COL25A1: variants seen among roughly 807,000 people sequenced by gnomAD.
COL25A1 encodes collagen type XXV alpha 1 chain.
COL25A1 carries 103 observed loss-of-function variants against 128.4 expected under a neutral mutation model. The ratio of observed to expected loss-of-function variants is 0.80; its 90% CI spans 0.68 to 0.94. The LOEUF is 0.94. Ranked by LOEUF, COL25A1 falls within the 40% of genes least tolerant of loss-of-function variation. COL25A1 has a pLI of 0.00. For synonymous variants in COL25A1, 279 were observed against 277.2 expected, an observed-to-expected ratio of 1.01 and a Z score of -0.06; for missense variants, 745 against 840.0, an observed-to-expected ratio of 0.89 and a Z score of 1.40.
chr4:109,233,756 C>T (rs1200526622), intron 3 of COL25A1, among the ~76,000 whole-genome samples: 2 of 152,080 alleles, frequency 1.3e-5, no homozygotes, highest in East Asian at 1.9e-4. Context: ...AGCCCCATTA[C>T]TCATGCTGCA....
chr4:109,176,895 G>C (rs939438192), intron 3 of COL25A1, among the ~76,000 whole-genome samples: 1 of 152,142 alleles, frequency 6.6e-6, no homozygotes, highest in African/African-American at 2.4e-5. Context: ...GAAAACCCAA[G>C]GCCAGATCTC....
At chr4:108,865,752 C>T (rs1339688161) in intron 20 of COL25A1, among the ~76,000 whole-genome samples, 4 of 152,154 alleles carry the variant, frequency 2.6e-5, no homozygotes, top group Non-Finnish European at 5.9e-5. Context: ...TACATCTTTA[C>T]TTTTTAACAT....
At chr4:108,915,518 G>A (rs1158619136) in intron 13 of COL25A1, among the ~76,000 whole-genome samples, 1 of 152,068 alleles carries the variant, frequency 6.6e-6, no homozygotes, top group Non-Finnish European at 1.5e-5. Context: ...TCTTAAAATA[G>A]TATACTTTTC....
intron 3 of COL25A1, among the ~76,000 whole-genome samples, chr4:109,180,949 T>A (rs1019827630): frequency 6.6e-6 from 1 of 152,162 alleles, no homozygotes; most frequent in Non-Finnish European, 1.5e-5. Context: ...AGAGGTAGAA[T>A]CAAATATATA....
At chr4:108,814,980 A>G (rs879703120) in intron 37 of COL25A1, among the ~76,000 whole-genome samples, 1 of 152,112 alleles carries the variant, frequency 6.6e-6, no homozygotes, top group Non-Finnish European at 1.5e-5. Context: ...CTGCTTTCTA[A>G]TCTTCAGAGA....
intron 5 of COL25A1, among the ~76,000 whole-genome samples, chr4:109,026,005 C>A (rs967544173): frequency 6.6e-6 from 1 of 151,698 alleles, no homozygotes; most frequent in African/African-American, 2.4e-5. Context: ...CAAGATTACC[C>A]CGAGAAAGAA....
chr4:109,207,788 T>C (rs1169409406), intron 3 of COL25A1, among the ~76,000 whole-genome samples: 1 of 152,140 alleles, frequency 6.6e-6, no homozygotes, highest in Non-Finnish European at 1.5e-5. Context: ...CAAAAGAAAG[T>C]AAACATTCAA....
intron 11 of COL25A1, among the ~76,000 whole-genome samples, chr4:108,936,528 C>T (rs1747430001): frequency 6.6e-6 from 1 of 152,088 alleles, no homozygotes; most frequent in South Asian, 2.1e-4. Context: ...GATCGCGCCA[C>T]TGCACTCCAG....
At chr4:108,889,348 GC>G (rs912161095) in intron 17 of COL25A1, 92 bp from the exon 18 acceptor site, 1 of 1,171,406 alleles carries the variant, frequency 8.5e-7, no homozygotes, top group Admixed American at 1.8e-5. Flanking sequence ...GGATGGCCTA[GC>G]CCCCTTCTTC....
chr4:109,288,040 A>C (rs1724057348), intron 3 of COL25A1, among the ~76,000 whole-genome samples: 1 of 151,910 alleles, frequency 6.6e-6, no homozygotes, highest in Non-Finnish European at 1.5e-5. Context: ...AGGAGATGAG[A>C]TATCTGAAGT....
intron 8 of COL25A1, among the ~76,000 whole-genome samples, chr4:108,946,160 C>A (rs1292776193): frequency 6.6e-6 from 1 of 152,150 alleles, no homozygotes; most frequent in African/African-American, 2.4e-5. Context: ...ATTTTGACAT[C>A]ATTACAGGAA....
At chr4:109,157,298 T>C (rs903170286) in intron 3 of COL25A1, among the ~76,000 whole-genome samples, 12 of 152,312 alleles carry the variant, frequency 7.9e-5, no homozygotes, top group African/African-American at 2.6e-4. Context: ...ATTGAAAAAT[T>C]TGAGTTAAGA....
chr4:109,023,516 G>C (rs1356010835), intron 5 of COL25A1, among the ~76,000 whole-genome samples: 1 of 152,212 alleles, frequency 6.6e-6, no homozygotes, highest in Non-Finnish European at 1.5e-5. Flanking sequence ...TTATGAGCTT[G>C]TTGGCATTGA....
At position 109,139,865 on chromosome 4, in the gene COL25A1, T is replaced by A. The variant is rs546573138; in HGVS notation, c.368-89686A>T. On this transcript the variant is annotated intron_variant, in intron 3 of 37. Coordinates refer to ENST00000399132, the MANE Select transcript of COL25A1 (RefSeq NM_198721.4). ...CAGGCCCCGGTGTGTGATGTTCCCC[T>A]TCCTGTGTCCATGTGTTCTCATTGT... 9.1e-4 allele frequency among the ~76,000 whole-genome samples: 123 copies of A among 135,570 alleles called. 2 individuals are homozygous for A. Among genetic ancestry groups the A allele is most frequent in the South Asian group, 4.0e-3 (16 of 3,952 alleles). 88.9% of individuals were successfully genotyped at this position (135,570 alleles called of 152,430 possible). A position where few individuals can be genotyped will look rare whatever the true frequency, so the allele number is the denominator to read the frequency against.
At chr4:108,940,709 T>C (rs530628904) in intron 9 of COL25A1, 63 bp from the exon 10 acceptor site, 1 of 1,056,882 alleles carries the variant, frequency 9.5e-7, no homozygotes, top group African/African-American at 1.6e-5. Context: ...GGTCTTCTTT[T>C]CAGCACCTTA....
intron 3 of COL25A1, among the ~76,000 whole-genome samples, chr4:109,081,996 C>T (rs971573835): frequency 5.3e-5 from 8 of 152,258 alleles, no homozygotes; most frequent in African/African-American, 1.9e-4. Flanking sequence ...TGAGCCACCG[C>T]GCGTAGCCCA....
At chr4:108,876,907 T>C (rs146404480) in intron 19 of COL25A1, among the ~76,000 whole-genome samples, 2 of 152,214 alleles carry the variant, frequency 1.3e-5, no homozygotes, top group Non-Finnish European at 2.9e-5. Flanking sequence ...TCACCATCAA[T>C]GAGTTAAAAA....
intron 6 of COL25A1, among the ~76,000 whole-genome samples, chr4:108,990,230 AAAAAAAAAAATATATAT>A (rs1754053221): frequency 1.4e-5 from 1 of 70,304 alleles, no homozygotes; most frequent in African/African-American, 5.0e-5. Context: ...AAAAAAAAAA[AAAAAAAAAAATATATAT>A]ATATATATAT....
At chr4:109,073,693 G>A (rs1437320004) in intron 3 of COL25A1, among the ~76,000 whole-genome samples, 3 of 151,946 alleles carry the variant, frequency 2.0e-5, no homozygotes, top group Admixed American at 1.3e-4. Context: ...ATCTTTCCTG[G>A]CTGCTTTCCT....
Sources: gnomAD v4.1 joint callset for allele counts (sites outside exome capture counted in the v4.1 genomes callset) on GRCh38, gnomAD v4.1.1 for gene constraint, MANE v1.5 for transcripts, NCBI Gene and HGNC (gene_info 2026-07-23, HGNC 2026-07-21) for gene names.